SYNJ1: variants seen among roughly 807,000 people sequenced by gnomAD.
SYNJ1 encodes the protein synaptojanin 1.
A neutral mutation model predicts 168.2 loss-of-function variants in SYNJ1; 78 were observed. The observed-to-expected ratio is 0.46, with a 90% confidence interval of 0.39 to 0.56. The LOEUF (loss-of-function observed/expected upper bound fraction) is 0.56. SYNJ1 is among the 20% of genes least tolerant of loss of function. The pLI, the probability that SYNJ1 is intolerant of heterozygous loss-of-function variation, is 0.00. For synonymous variants in SYNJ1, 539 were observed against 548.6 expected, an observed-to-expected ratio of 0.98 and a Z score of 0.24; for missense variants, 1,303 against 1,597.6, an observed-to-expected ratio of 0.82 and a Z score of 3.14.
At position 32,641,877 on chromosome 21, in the gene SYNJ1, C is replaced by T; in HGVS notation, c.3588+19G>A. The T allele has an allele frequency of 1.3e-6, 2 of 1,590,934 alleles. No homozygotes were observed. The highest frequency in any genetic ancestry group is 1.7e-6 in the Non-Finnish European group (2 of 1,166,296). ...ACTTAGAACCGAGACCCCTTGGCCC[C>T]AGGCGAGGTTTTACCTACCGGTCTG... On this transcript the variant is annotated intron_variant, in intron 29 of 32. Transcript: ENST00000674351.
At chr21:32,642,163 G>A in intron 27 of SYNJ1, 30 bp from the exon 28 acceptor site, 2 of 1,613,154 alleles carry the variant, frequency 1.2e-6, no homozygotes, top group Non-Finnish European at 1.7e-6. Flanking sequence ...AAAAAAATTA[G>A]TTGTAAGTTA....
chr21:32,642,290 T>C (rs1353772998), intron 27 of SYNJ1, among the ~76,000 whole-genome samples, 157 bp from the exon 28 acceptor site: 4 of 152,164 alleles, frequency 2.6e-5, no homozygotes, highest in Admixed American at 2.0e-4. Context: ...ATGAAGGGTA[T>C]TATCAGTCCT....
intron 18 of SYNJ1, among the ~76,000 whole-genome samples, chr21:32,660,269 C>T (rs1177390178): frequency 5.9e-5 from 9 of 152,240 alleles, no homozygotes; most frequent in Non-Finnish European, 1.3e-4. Flanking sequence ...GATAAACTAA[C>T]CCTTGGGCAA....
chr21:32,696,946 A>G (rs961275909), intron 4 of SYNJ1, among the ~76,000 whole-genome samples: 1 of 152,228 alleles, frequency 6.6e-6, no homozygotes, highest in Non-Finnish European at 1.5e-5. Flanking sequence ...TATTACCCAC[A>G]TTGATCTGAG....
chr21:32,665,577 C>A (rs2040893538), intron 17 of SYNJ1, among the ~76,000 whole-genome samples: 1 of 152,202 alleles, frequency 6.6e-6, no homozygotes, highest in Non-Finnish European at 1.5e-5. Flanking sequence ...TGGAAGCCCC[C>A]ACTTCGAGTT....
intron 21 of SYNJ1, among the ~76,000 whole-genome samples, chr21:32,655,873 T>C (rs914765095): frequency 1.3e-5 from 2 of 152,206 alleles, no homozygotes; most frequent in African/African-American, 4.8e-5. Context: ...AAAAGGCAGA[T>C]GGCTAGATCA....
intron 31 of SYNJ1, among the ~76,000 whole-genome samples, chr21:32,636,470 A>G (rs1201495669): frequency 6.6e-6 from 1 of 152,232 alleles, no homozygotes. Flanking sequence ...ATAAGTAAAG[A>G]CTTGTAAAAA....
At position 32,678,781 on chromosome 21, in the gene SYNJ1, A is replaced by C; in HGVS notation, c.1374T>G (p.Ser458=). ...GKAKLKDGAR[S]VTRTIQNNFF... is the part of the protein sequence containing the mutation. The stretch of plus-strand genomic sequence containing the variant: ...AGTTATTCTGAATTGTTCGGGTAAC[A>C]GAGCGAGCACCATCTTTTAACTTTC... The change falls in exon 12 of 33, where the codon TCT becomes TCG. Residue 458 remains serine, a synonymous_variant. Coordinates refer to ENST00000674351, the MANE Select transcript of SYNJ1 (RefSeq NM_203446.3). 2 of 1,611,958 alleles carry C rather than the reference A, an allele frequency of 1.2e-6. No individual in the cohort carries two copies. Among genetic ancestry groups the C allele is most frequent in the Non-Finnish European group, 1.7e-6 (2 of 1,179,428 alleles).
chr21:32,710,565 C>T (rs565804308), intron 2 of SYNJ1, among the ~76,000 whole-genome samples: 24 of 152,054 alleles, frequency 1.6e-4, no homozygotes, highest in Admixed American at 1.2e-3. Context: ...CTCACTCTCA[C>T]CCAAGCCTGA....
chr21:32,657,975 C>G (rs889660411), intron 18 of SYNJ1, 103 bp from the exon 19 acceptor site: 1 of 865,140 alleles, frequency 1.2e-6, no homozygotes, highest in African/African-American at 1.7e-5. Context: ...TGGATGCTCT[C>G]AGAAGAAATC....
At chr21:32,726,940 A>G (rs772413794) in intron 1 of SYNJ1, 23 bp from the exon 2 acceptor site, 2 of 1,611,490 alleles carry the variant, frequency 1.2e-6, no homozygotes. Flanking sequence ...AGCAAAGCAA[A>G]GCAAATGAAG....
At chr21:32,679,103 C>T (rs1257640419) in intron 11 of SYNJ1, among the ~76,000 whole-genome samples, 1 of 152,084 alleles carries the variant, frequency 6.6e-6, no homozygotes, top group Non-Finnish European at 1.5e-5. Flanking sequence ...AGGAAATAAA[C>T]TGAAGTGAAC....
In SYNJ1 at chr21:32,656,997, T is replaced by G. The variant is rs756427630; in HGVS notation, c.2579+6A>C. ...ACACTATTAGAAAAACTGAGACTGC[T>G]TAAACCTGTGGTCAGAAGTCTTCAG... On this transcript the variant is annotated splice_donor_region_variant and intron_variant, in intron 20 of 32. Transcript: ENST00000674351. 25 of 1,613,704 alleles carry G rather than the reference T, an allele frequency of 1.5e-5. 2 individuals are homozygous for G. The South Asian group carries it at 2.7e-4, about 18-fold the overall frequency.
chr21:32,701,782 C>T (rs536812962), intron 3 of SYNJ1, among the ~76,000 whole-genome samples, 179 bp downstream of exon 3: 213 of 152,240 alleles, frequency 1.4e-3, no homozygotes, highest in African/African-American at 4.9e-3. Context: ...GCATGTAGCA[C>T]GCCTTTTTGG....
chr21:32,699,713 G>C (rs1404677161), intron 4 of SYNJ1, 125 bp downstream of exon 4: 1 of 1,144,992 alleles, frequency 8.7e-7, no homozygotes, highest in Non-Finnish European at 1.2e-6. Flanking sequence ...CTGCTGAAAA[G>C]GGGCATCGAG....
At chr21:32,650,128 G>A in intron 23 of SYNJ1, 56 bp downstream of exon 23, 1 of 1,526,304 alleles carries the variant, frequency 6.6e-7, no homozygotes, top group Non-Finnish European at 8.8e-7. Context: ...AGACTTTACA[G>A]ATTGGAAGAA....
intron 9 of SYNJ1, among the ~76,000 whole-genome samples, chr21:32,684,620 A>G (rs1050245702): frequency 6.6e-6 from 1 of 152,224 alleles, no homozygotes; most frequent in Non-Finnish European, 1.5e-5. Context: ...TCTATTTCAC[A>G]TACAAAAACT....
intron 23 of SYNJ1, 38 bp downstream of exon 23, chr21:32,650,146 C>G (rs754462223): frequency 1.9e-6 from 3 of 1,560,114 alleles, no homozygotes; most frequent in Non-Finnish European, 2.6e-6. Flanking sequence ...GAAAACATAT[C>G]TAGAACTACA....
At chr21:32,634,042 C>T (rs759577137) in intron 32 of SYNJ1, among the ~76,000 whole-genome samples, 4 of 152,120 alleles carry the variant, frequency 2.6e-5, no homozygotes, top group Non-Finnish European at 4.4e-5. Context: ...CTGTCTGAGA[C>T]AAAATTCTCC....
Sources: gnomAD v4.1 joint callset for allele counts (sites outside exome capture counted in the v4.1 genomes callset) on GRCh38, gnomAD v4.1.1 for gene constraint, MANE v1.5 for transcripts, NCBI Gene and HGNC (gene_info 2026-07-23, HGNC 2026-07-21) for gene names.